The following SMYD3 variants were observed in gnomAD, a reference collection of about 807,000 sequenced individuals.
SMYD3 encodes histone-lysine N-methyltransferase SMYD3.
A neutral mutation model predicts 57.7 loss-of-function variants in SMYD3; 36 were observed. The observed-to-expected ratio is 0.62, with a 90% CI of 0.48 to 0.82. SMYD3 has a LOEUF of 0.82. SMYD3 is among the 40% of genes least tolerant of loss of function. SMYD3 has a pLI of 0.00. For missense variants in SMYD3, 515 were observed against 538.8 expected (o/e 0.96, Z 0.44); for synonymous variants, 211 against 195.0 (o/e 1.08, Z -0.68).
At chr1:246,271,455 AT>A (rs1361605997) in intron 5 of SMYD3, among the ~76,000 whole-genome samples, 1 of 152,086 alleles carries the variant, frequency 6.6e-6, no homozygotes, top group Non-Finnish European at 1.5e-5. Context: ...TCTTTGATCC[AT>A]TTTGAGTTGA....
chr1:245,749,628 G>T lies in SMYD3; in HGVS notation c.1222C>A (p.His408Asn). 1 of 1,614,118 alleles carries T rather than the reference G, an allele frequency of 6.2e-7. No homozygotes were observed. Among genetic ancestry groups the T allele is most frequent in the Non-Finnish European group, 8.5e-7 (1 of 1,180,002 alleles). Residue 408 changes from histidine (H) to asparagine (N), a missense_variant, in exon 12 of 12, where the codon CAC (histidine) becomes AAC (asparagine). Coordinates refer to ENST00000490107, the MANE Select transcript of SMYD3 (RefSeq NM_001167740.2). The stretch of plus-strand genomic sequence containing the variant: ...AGAATCAAATCTTCAATCAGGCTGT[G>T]TTCTCTGCCATGTGTCACTCTCATA... ...DIMRVTHGRE[H>N]SLIEDLILLL...
At chr1:246,145,582 A>C (rs1329301950) in intron 5 of SMYD3, among the ~76,000 whole-genome samples, 1 of 152,212 alleles carries the variant, frequency 6.6e-6, no homozygotes, top group East Asian at 1.9e-4. Context: ...TGAACCTGAG[A>C]TCTTAAGAGC....
At chr1:245,783,369 T>G (rs1453102747) in intron 10 of SMYD3, among the ~76,000 whole-genome samples, 1 of 152,202 alleles carries the variant, frequency 6.6e-6, no homozygotes, top group Non-Finnish European at 1.5e-5. Context: ...CATATCCATC[T>G]GTTGTCCAGT....
intron 5 of SMYD3, among the ~76,000 whole-genome samples, chr1:246,018,846 C>T (rs904658150): frequency 6.6e-6 from 1 of 151,848 alleles, no homozygotes; most frequent in African/African-American, 2.4e-5. Context: ...TCAAGCAATC[C>T]TCCTGCCTTG....
chr1:245,813,903 T>TATATATACATACACAC (rs1447467637), intron 10 of SMYD3, among the ~76,000 whole-genome samples: 1 of 145,936 alleles, frequency 6.9e-6, no homozygotes, highest in African/African-American at 2.7e-5. Flanking sequence ...TATATATATA[T>TATATATACATACACAC]ACAGATGAAT....
rs148227491 is a variant in SMYD3, at chr1:245,790,574, T to C, written c.1077-26425A>G. ...AGCACCTAAAAAATGTGGATGCTTT[T>C]AGAAAAGACAGAGTCACAAGCACAT... On this transcript the variant is annotated intron_variant, in intron 10 of 11. Transcript: ENST00000490107. Among the ~76,000 whole-genome samples, 844 of 152,338 alleles carry C rather than the reference T, an allele frequency of 5.5e-3. 7 individuals carry two copies. The highest frequency in any genetic ancestry group is 0.019 in the African/African-American group (809 of 41,574).
rs2061853376 is a variant in SMYD3, at chr1:246,146,988, G to A, written c.531+180213C>T. 2.0e-5 allele frequency among the ~76,000 whole-genome samples: 3 copies of A among 152,196 alleles called. No homozygotes were observed. In the South Asian group the frequency reaches 6.2e-4, roughly 31 times the overall value. On this transcript the variant is annotated intron_variant, in intron 5 of 11. Coordinates refer to ENST00000490107, the MANE Select transcript of SMYD3 (RefSeq NM_001167740.2). ...CAGGCCGTTTTCTTGTTAATCGGCA[G>A]GCAGGCGTGACAGTGTTCGGCAGAG...
At chr1:245,892,769 T>C (rs190668344) in intron 8 of SMYD3, among the ~76,000 whole-genome samples, 1 of 152,294 alleles carries the variant, frequency 6.6e-6, no homozygotes, top group Non-Finnish European at 1.5e-5. Flanking sequence ...AACCTAAAAC[T>C]ATAAAATCTA....
intron 10 of SMYD3, among the ~76,000 whole-genome samples, chr1:245,829,958 G>A (rs568297182): frequency 6.6e-6 from 1 of 152,152 alleles, no homozygotes; most frequent in Non-Finnish European, 1.5e-5. Flanking sequence ...CTAGGGACTG[G>A]GGGGCTGGGG....
At chr1:246,459,440 C>T (rs1267955838) in intron 1 of SMYD3, among the ~76,000 whole-genome samples, 4 of 151,832 alleles carry the variant, frequency 2.6e-5, no homozygotes, top group Admixed American at 1.3e-4. Context: ...GTTTGTGGCA[C>T]GTCCCCCTTC....
chr1:246,096,008 A>G (rs1448650730), intron 5 of SMYD3, among the ~76,000 whole-genome samples: 1 of 152,232 alleles, frequency 6.6e-6, no homozygotes, highest in Non-Finnish European at 1.5e-5. Flanking sequence ...TCAAGCCATG[A>G]TTATAGTATT....
intron 5 of SMYD3, among the ~76,000 whole-genome samples, chr1:246,033,926 C>A (rs568760620): frequency 8.5e-5 from 13 of 152,200 alleles, no homozygotes; most frequent in African/African-American, 3.1e-4. Context: ...TCTCTGTGTT[C>A]TATCTTACAA....
At chr1:246,411,256 A>G (rs1340834776) in intron 1 of SMYD3, among the ~76,000 whole-genome samples, 5 of 152,218 alleles carry the variant, frequency 3.3e-5, no homozygotes, top group Non-Finnish European at 7.3e-5. Flanking sequence ...AGAGAAATGC[A>G]AATCAAAACC....
At chr1:246,170,516 G>A (rs2062311145) in intron 5 of SMYD3, among the ~76,000 whole-genome samples, 1 of 149,914 alleles carries the variant, frequency 6.7e-6, no homozygotes, top group African/African-American at 2.5e-5. Flanking sequence ...TTTTTTATTG[G>A]CCTACTTAGG....
chr1:246,263,788 T>G (rs1280933861), intron 5 of SMYD3, among the ~76,000 whole-genome samples: 1 of 152,228 alleles, frequency 6.6e-6, no homozygotes, highest in Non-Finnish European at 1.5e-5. Context: ...GTGGTTAATT[T>G]GAACATTTCT....
chr1:246,158,510 G>A (rs2062060161), intron 5 of SMYD3, among the ~76,000 whole-genome samples: 1 of 152,164 alleles, frequency 6.6e-6, no homozygotes, highest in East Asian at 1.9e-4. Flanking sequence ...AGAGGAAATT[G>A]GCTTTGTTTT....
chr1:245,789,607 A>C (rs961264239), intron 10 of SMYD3, among the ~76,000 whole-genome samples: 6 of 152,214 alleles, frequency 3.9e-5, no homozygotes, highest in African/African-American at 1.4e-4. Context: ...TGTATTCTGG[A>C]AATTTCCTTG....
chr1:246,218,495 G>C (rs1013054077), intron 5 of SMYD3, among the ~76,000 whole-genome samples: 12 of 152,010 alleles, frequency 7.9e-5, no homozygotes, highest in African/African-American at 1.7e-4. Flanking sequence ...GTGGCGGGCG[G>C]CTGTAGTCCC....
chr1:245,791,664 C>A (rs1020545250), intron 10 of SMYD3, among the ~76,000 whole-genome samples: 1 of 152,108 alleles, frequency 6.6e-6, no homozygotes, highest in Non-Finnish European at 1.5e-5. Context: ...GTACATCAGT[C>A]GGTATTTGTT....
Sources: gnomAD v4.1 joint callset for allele counts (sites outside exome capture counted in the v4.1 genomes callset) on GRCh38, gnomAD v4.1.1 for gene constraint, MANE v1.5 for transcripts, NCBI Gene and HGNC (gene_info 2026-07-23, HGNC 2026-07-21) for gene names.